The following PCDHGA1 variants were observed in gnomAD, a reference collection of about 807,000 sequenced individuals.
PCDHGA1 encodes the protein protocadherin gamma subfamily A, 1.
In PCDHGA1, 32 loss-of-function variants were observed where a neutral mutation model predicts 58.0. The observed-to-expected ratio is 0.55, with a 90% CI of 0.42 to 0.74. The LOEUF is 0.74. Ranked by LOEUF, PCDHGA1 falls within the 30% of genes least tolerant of loss-of-function variation. The pLI is 0.00. For synonymous variants in PCDHGA1, 498 were observed against 501.1 expected (o/e 0.99, Z 0.08); for missense variants, 1,205 against 1,182.3 (o/e 1.02, Z -0.28).
chr5:141,332,745 G>C lies in PCDHGA1; in HGVS notation c.2061G>C (p.Ser687=), dbSNP rs1440144428. 1 of 1,613,938 alleles carries C rather than the reference G, an allele frequency of 6.2e-7. No homozygotes were observed. The highest frequency in any genetic ancestry group is 8.5e-7 in the Non-Finnish European group (1 of 1,179,978). ...AGCCCTCCGCCAAACCCAACGATTC[G>C]GACCTCACTCTGTACCTGGTGGTGG... ...SLEPSAKPND[S]DLTLYLVVAA... The change falls in exon 1 of 4, where the codon TCG becomes TCC. Residue 687 remains serine, a synonymous_variant. Transcript: ENST00000517417. This position sits in a 1 kb window ranked among gnomAD's most constrained non-coding sequence, Gnocchi z 4.6.
chr5:141,385,111 T>C (rs373196114), intron 1 of PCDHGA1: 1 of 1,614,188 alleles, frequency 6.2e-7, no homozygotes, highest in South Asian at 1.1e-5. Context: ...CGTGCCCACC[T>C]CGCACTTTGT....
chr5:141,468,039 A>G (rs1007212946), intron 1 of PCDHGA1, among the ~76,000 whole-genome samples: 21 of 152,262 alleles, frequency 1.4e-4, no homozygotes, highest in African/African-American at 5.1e-4. Context: ...CATTTAGAAA[A>G]CTAAGCCGGG....
Position 141,490,854 on chromosome 5 carries a change from C to T in PCDHGA1, c.2422-3953C>T. On this transcript the variant is annotated intron_variant, in intron 1 of 3. Transcript: ENST00000517417. The surrounding 1 kb of genome is among the most constrained non-coding windows in gnomAD (Gnocchi z 5.4). The stretch of plus-strand genomic sequence containing the variant: ...TGCAGATTGTGGTGGGGGTTCGAGA[C>T]TCCGGCTCTCCCCCATTGCATGCCA... 6.2e-7 allele frequency: 1 copy of T among 1,613,900 alleles called. No homozygotes were observed. The highest frequency in any genetic ancestry group is 8.5e-7 in the Non-Finnish European group (1 of 1,179,914).
intron 1 of PCDHGA1, among the ~76,000 whole-genome samples, chr5:141,438,349 C>G (rs892834423): frequency 6.6e-6 from 1 of 151,762 alleles, no homozygotes; most frequent in Non-Finnish European, 1.5e-5. Flanking sequence ...AGGATCTACT[C>G]TGTGTATTGT....
intron 1 of PCDHGA1, chr5:141,357,554 G>C: frequency 1.2e-6 from 2 of 1,614,220 alleles, no homozygotes; most frequent in Non-Finnish European, 1.7e-6. Context: ...CGGGAGAGTT[G>C]TGAGAAAAGC....
At position 141,485,437 on chromosome 5, in the gene PCDHGA1, C is replaced by A. The variant is rs2099613420; in HGVS notation, c.2422-9370C>A. The A allele has an allele frequency of 6.2e-7, 1 of 1,614,174 alleles. No individual in the cohort carries two copies. Among genetic ancestry groups the A allele is most frequent in the Non-Finnish European group, 8.5e-7 (1 of 1,180,028 alleles). On this transcript the variant is annotated intron_variant, in intron 1 of 3. Transcript: ENST00000517417. The surrounding 1 kb of genome is among the most constrained non-coding windows in gnomAD (Gnocchi z 5.7). ...ACAGCGGAGCCCTGCTCATCAAGAA[C>A]CCAATCGACCGAGAGGCACTGTGTG...
chr5:141,376,868 T>G, intron 1 of PCDHGA1: 1 of 220,664 alleles, frequency 4.5e-6, no homozygotes, highest in East Asian at 1.2e-4. Flanking sequence ...TTTGTATTTT[T>G]AGTAGAGACG....
chr5:141,364,374 T>C (rs1015001809), intron 1 of PCDHGA1: 42 of 1,573,582 alleles, frequency 2.7e-5, no homozygotes, highest in Non-Finnish European at 3.6e-5. Flanking sequence ...GAGCTGCTGC[T>C]GCCCTTCATG....
rs949391796 is a variant in PCDHGA1 at position 141,493,050 on chromosome 5, A to G, written c.2422-1757A>G. 6.6e-6 allele frequency among the ~76,000 whole-genome samples: 1 copy of G among 152,262 alleles called. No homozygotes were observed. The highest frequency in any genetic ancestry group is 2.4e-5 in the African/African-American group (1 of 41,464). On this transcript the variant is annotated intron_variant, in intron 1 of 3. Coordinates refer to ENST00000517417, the MANE Select transcript of PCDHGA1 (RefSeq NM_018912.3). The surrounding 1 kb of genome is among the most constrained non-coding windows in gnomAD (Gnocchi z 4.3). Reference sequence around the variant, plus strand: ...CCCTTATGTGTGAGGAAACTACAATAGTAAAAAACACAAGTTTCTCCAACT... The same window carrying G: ...CCCTTATGTGTGAGGAAACTACAATGGTAAAAAACACAAGTTTCTCCAACT...
chr5:141,433,921 T>G (rs1203867326), intron 1 of PCDHGA1, among the ~76,000 whole-genome samples: 2 of 152,012 alleles, frequency 1.3e-5, no homozygotes, highest in African/African-American at 4.8e-5. Flanking sequence ...CACCTCCAAA[T>G]GAAGATTTTA....
intron 1 of PCDHGA1, chr5:141,421,377 C>T (rs1168242339): frequency 1.9e-6 from 3 of 1,613,924 alleles, no homozygotes; most frequent in South Asian, 1.1e-5. Context: ...GCAATATCTC[C>T]AAGGACCTGG....
chr5:141,379,798 G>C (rs890822360), intron 1 of PCDHGA1, among the ~76,000 whole-genome samples: 1 of 150,150 alleles, frequency 6.7e-6, no homozygotes, highest in African/African-American at 2.5e-5. Context: ...GCTATCTGAG[G>C]TTTTGAGAGT....
rs1342408505 is a variant in PCDHGA1 at position 141,409,977 on chromosome 5, T to C, written c.2421+76872T>C. The C allele has an allele frequency of 1.2e-6, 2 of 1,613,300 alleles. No individual in the cohort carries two copies. Among genetic ancestry groups the C allele is most frequent in the African/African-American group, 2.7e-5 (2 of 75,026 alleles). ...CCCGGCTACCTAGTGACTAAGGTGGTAGCGGTGGACGCCGACTCGGGACAC... is the reference window on the plus strand; with the variant it reads ...CCCGGCTACCTAGTGACTAAGGTGGCAGCGGTGGACGCCGACTCGGGACAC... On this transcript the variant is annotated intron_variant, in intron 1 of 3. Transcript: ENST00000517417.
chr5:141,355,746 G>A (rs1759960259), intron 1 of PCDHGA1: 2 of 1,613,874 alleles, frequency 1.2e-6, no homozygotes, highest in Non-Finnish European at 1.7e-6. Context: ...CCCTGGACGT[G>A]CAAAGTGGGG....
chr5:141,377,469 A>G (rs6896353), intron 1 of PCDHGA1: 23,351 of 151,970 alleles, frequency 0.15, 2,565 homozygotes, highest in African/African-American at 0.32. Context: ...TGTGGCGTAC[A>G]CCTGTAGTCC....
At chr5:141,352,810 T>TA in intron 1 of PCDHGA1, 1 of 840,270 alleles carries the variant, frequency 1.2e-6, no homozygotes, top group Non-Finnish European at 1.8e-6. Flanking sequence ...GCCAAGATGG[T>TA]AAAACCCGGT....
chr5:141,506,209 G>A (rs549403288), intron 3 of PCDHGA1, among the ~76,000 whole-genome samples: 3 of 152,284 alleles, frequency 2.0e-5, no homozygotes, highest in African/African-American at 7.2e-5. Context: ...CCAGCACTTT[G>A]GGAAGCTGAG....
intron 1 of PCDHGA1, chr5:141,398,647 C>T: frequency 6.2e-7 from 1 of 1,614,070 alleles, no homozygotes; most frequent in Non-Finnish European, 8.5e-7. Context: ...TAAACTCTCT[C>T]TTAACCCAAG....
chr5:141,345,460 C>T (rs1757577110), intron 1 of PCDHGA1: 1 of 1,614,172 alleles, frequency 6.2e-7, no homozygotes. Flanking sequence ...TCAGTGACAG[C>T]CCAGGACCCA....
Sources: gnomAD v4.1 joint callset for allele counts (sites outside exome capture counted in the v4.1 genomes callset) on GRCh38, gnomAD v4.1.1 for gene constraint, Gnocchi (gnomAD v3.1) non-coding constraint, MANE v1.5 for transcripts, NCBI Gene and HGNC (gene_info 2026-07-23, HGNC 2026-07-21) for gene names.